The following OLFM2 variants were observed in gnomAD, a reference collection of about 807,000 sequenced individuals.
OLFM2 encodes olfactomedin 2.
In OLFM2, 20 loss-of-function variants were observed where a neutral mutation model predicts 43.9. The ratio of observed to expected loss-of-function variants is 0.46; its 90% CI spans 0.32 to 0.66. The LOEUF (loss-of-function observed/expected upper bound fraction) is 0.66. OLFM2 is among the 30% of genes least tolerant of loss of function. OLFM2 has a pLI of 0.04. For synonymous variants in OLFM2, 268 were observed against 278.6 expected, an observed-to-expected ratio of 0.96 and a Z score of 0.38; for missense variants, 416 against 643.6, an observed-to-expected ratio of 0.65 and a Z score of 3.83.
intron 1 of OLFM2, among the ~76,000 whole-genome samples, chr19:9,879,706 A>G (rs2046523787): frequency 6.6e-6 from 1 of 152,090 alleles, no homozygotes; most frequent in Admixed American, 6.6e-5. Context: ...ACGCCTGGCT[A>G]AGTTTTTTAA....
intron 1 of OLFM2, among the ~76,000 whole-genome samples, chr19:9,914,949 T>C (rs2046863261): frequency 6.6e-6 from 1 of 151,016 alleles, no homozygotes; most frequent in South Asian, 2.2e-4. Flanking sequence ...GGGCTCTGGC[T>C]GGGGAGGAGC....
chr19:9,915,971 G>A (rs2046873561), intron 1 of OLFM2, among the ~76,000 whole-genome samples: 1 of 152,210 alleles, frequency 6.6e-6, no homozygotes, highest in Non-Finnish European at 1.5e-5. Context: ...GTTGGAGTGA[G>A]CCAGGGGGAG....
At chr19:9,936,081 C>T (rs2086512642) in intron 1 of OLFM2, among the ~76,000 whole-genome samples, 1 of 151,818 alleles carries the variant, frequency 6.6e-6, no homozygotes, top group South Asian at 2.1e-4. Flanking sequence ...AGACGCCACC[C>T]CCCAAACCAG....
chr19:9,894,551 A>T (rs1262828433), intron 1 of OLFM2, among the ~76,000 whole-genome samples: 1 of 151,492 alleles, frequency 6.6e-6, no homozygotes, highest in African/African-American at 2.4e-5. Flanking sequence ...CTCTACTAAA[A>T]ATACAAAATT....
At chr19:9,871,554 CAT>C (rs1196307174) in intron 1 of OLFM2, among the ~76,000 whole-genome samples, 2 of 143,992 alleles carry the variant, frequency 1.4e-5, no homozygotes, top group South Asian at 4.5e-4. Context: ...GCCTGGGCCA[CAT>C]AGCATGACTC....
chr19:9,918,489 A>G (rs2086399808), intron 1 of OLFM2, among the ~76,000 whole-genome samples: 1 of 152,122 alleles, frequency 6.6e-6, no homozygotes, highest in African/African-American at 2.4e-5. Flanking sequence ...ACCACGCCAG[A>G]CCCTAAAACT....
At chr19:9,913,539 G>A (rs2046846776) in intron 1 of OLFM2, 1 of 1,222,054 alleles carries the variant, frequency 8.2e-7, no homozygotes, top group African/African-American at 1.6e-5. Context: ...ACGAGCGAGG[G>A]CAGCGTCTGC....
At chr19:9,904,174 G>C (rs953412077) in intron 1 of OLFM2, among the ~76,000 whole-genome samples, 7 of 150,358 alleles carry the variant, frequency 4.7e-5, no homozygotes, top group African/African-American at 1.5e-4. Flanking sequence ...GTGTGTGTGT[G>C]TGTGTGTGTG....
rs2046318584 is a variant in OLFM2, at chr19:9,856,466, G to T, written c.687+341C>A. ...CATGGAAGCTACTAGAAGTCCGAAG[G>T]TCACTGAGCAGTGCTTGGTGGAAGA... On this transcript the variant is annotated intron_variant, in intron 5 of 5. Transcript: ENST00000264833. The surrounding 1 kb of genome is among the most constrained non-coding windows in gnomAD (Gnocchi z 4.0). Among the ~76,000 whole-genome samples, 1 of 152,250 alleles carries T rather than the reference G, an allele frequency of 6.6e-6. No homozygotes were observed. The highest frequency in any genetic ancestry group is 6.5e-5 in the Admixed American group (1 of 15,282).
At chr19:9,922,090 T>C (rs1160049774) in intron 1 of OLFM2, among the ~76,000 whole-genome samples, 1 of 144,104 alleles carries the variant, frequency 6.9e-6, no homozygotes, top group African/African-American at 2.6e-5. Flanking sequence ...TGAGACCCTG[T>C]CTCAAAAAAA....
intron 1 of OLFM2, among the ~76,000 whole-genome samples, chr19:9,916,314 G>T (rs2046876126): frequency 6.6e-6 from 1 of 152,114 alleles, no homozygotes; most frequent in Non-Finnish European, 1.5e-5. Context: ...CCAAGATCGA[G>T]CCACTGCACT....
At chr19:9,893,914 C>G (rs535598069) in intron 1 of OLFM2, among the ~76,000 whole-genome samples, 1 of 152,102 alleles carries the variant, frequency 6.6e-6, no homozygotes, top group African/African-American at 2.4e-5. Flanking sequence ...CTCATAGATA[C>G]TAGAGTTGAA....
chr19:9,891,854 A>G (rs1298840462), intron 1 of OLFM2, among the ~76,000 whole-genome samples: 1 of 152,168 alleles, frequency 6.6e-6, no homozygotes, highest in African/African-American at 2.4e-5. Context: ...TGTCTACATG[A>G]TCAAGAACAC....
At chr19:9,900,992 G>GGAAGGAAGGAAGGA (rs1332960403) in intron 1 of OLFM2, among the ~76,000 whole-genome samples, 1 of 13,400 alleles carries the variant, frequency 7.5e-5, no homozygotes, top group African/African-American at 4.4e-4. Flanking sequence ...GGAAGGAAGG[G>GGAAGGAAGGAAGGA]AGGGAGGGGG....
chr19:9,860,591 G>T (rs1176932363), intron 2 of OLFM2, 54 bp downstream of exon 2: 3 of 1,545,138 alleles, frequency 1.9e-6, no homozygotes, highest in South Asian at 1.2e-5. Context: ...GGAGGGCGGG[G>T]TGAGAACTGG....
In OLFM2 at chr19:9,885,721, C is replaced by A. The variant is rs569617408; in HGVS notation, c.64-24927G>T. On this transcript the variant is annotated intron_variant, in intron 1 of 5. Transcript: ENST00000264833. The stretch of plus-strand genomic sequence containing the variant: ...CCCACCCTTGTGGAGCAAGCCAAAC[C>A]GGGACTTTACCTAGGATCTCATCTT... 2.0e-5 allele frequency among the ~76,000 whole-genome samples: 3 copies of A among 152,254 alleles called. No individual in the cohort carries two copies. In the East Asian group the frequency reaches 5.8e-4, roughly 29 times the overall value.
chr19:9,857,587 C>G lies in OLFM2; in HGVS notation c.361-105G>C. On this transcript the variant is annotated intron_variant, in intron 3 of 5. Transcript: ENST00000264833. This position sits in a 1 kb window ranked among gnomAD's most constrained non-coding sequence, Gnocchi z 5.7. ...CTTCACCCTTTGTCTTTGATGCACA[C>G]CTGGCCCTTGACATGTGGCTCATAT... 2 of 1,558,342 alleles carry G rather than the reference C, an allele frequency of 1.3e-6. No homozygotes were observed.
chr19:9,869,445 A>G (rs2046426750), intron 1 of OLFM2, among the ~76,000 whole-genome samples: 2 of 152,136 alleles, frequency 1.3e-5, no homozygotes, highest in Non-Finnish European at 2.9e-5. Context: ...TGACCTCAGC[A>G]AGTGGCTTAA....
chr19:9,886,379 G>A (rs558524090), intron 1 of OLFM2, among the ~76,000 whole-genome samples: 1 of 151,842 alleles, frequency 6.6e-6, no homozygotes, highest in East Asian at 2.0e-4. Flanking sequence ...CTAATTTTTT[G>A]TATTTTTAGT....
Sources: gnomAD v4.1 joint callset for allele counts (sites outside exome capture counted in the v4.1 genomes callset) on GRCh38, gnomAD v4.1.1 for gene constraint, Gnocchi (gnomAD v3.1) non-coding constraint, MANE v1.5 for transcripts, NCBI Gene and HGNC (gene_info 2026-07-23, HGNC 2026-07-21) for gene names.